The following ADGRB1 variants were observed in gnomAD, a reference collection of about 807,000 sequenced individuals.
The protein encoded by ADGRB1 is brain-specific angiogenesis inhibitor 1.
In ADGRB1, 36 loss-of-function variants were observed where a neutral mutation model predicts 175.7. The ratio of observed to expected loss-of-function variants is 0.20; its 90% CI spans 0.16 to 0.27. ADGRB1 has a LOEUF of 0.27. Ranked by LOEUF, ADGRB1 falls within the 10% of genes least tolerant of loss-of-function variation. The probability of loss-of-function intolerance (pLI) is 1.00; values close to 1 mark genes in which losing one functional copy is unlikely to be tolerated. For missense variants in ADGRB1, 1,731 were observed against 2,255.3 expected, an observed-to-expected ratio of 0.77 and a Z score of 4.71; for synonymous variants, 1,054 against 979.4, an observed-to-expected ratio of 1.08 and a Z score of -1.42.
intron 2 of ADGRB1, among the ~76,000 whole-genome samples, chr8:142,472,629 A>G (rs895604128): frequency 2.0e-5 from 3 of 152,214 alleles, no homozygotes; most frequent in Non-Finnish European, 4.4e-5. Flanking sequence ...ACACACATCA[A>G]AAACAAAACA....
intron 1 of ADGRB1, among the ~76,000 whole-genome samples, chr8:142,453,993 G>A (rs1463029386): frequency 6.6e-6 from 1 of 152,192 alleles, no homozygotes; most frequent in African/African-American, 2.4e-5. Flanking sequence ...GACAGGGGCT[G>A]CAGAGGGGTC....
chr8:142,505,359 G>A lies in ADGRB1; in HGVS notation c.2676-5573G>A, dbSNP rs562365499. Among the ~76,000 whole-genome samples, 737 of 152,344 alleles carry A rather than the reference G, an allele frequency of 4.8e-3. 5 individuals carry two copies. Among genetic ancestry groups the A allele is most frequent in the African/African-American group, 0.017 (697 of 41,584 alleles). On this transcript the variant is annotated intron_variant, in intron 17 of 30. Transcript: ENST00000517894. ...TCTCCCAAGGCCTCCTACCTGCCCCGGACTCAGTGGAGGTGCCTGTGGGGG... is the reference window on the plus strand; with the variant it reads ...TCTCCCAAGGCCTCCTACCTGCCCCAGACTCAGTGGAGGTGCCTGTGGGGG...
chr8:142,509,632 G>A (rs1017545999), intron 17 of ADGRB1, among the ~76,000 whole-genome samples: 1 of 152,216 alleles, frequency 6.6e-6, no homozygotes, highest in Non-Finnish European at 1.5e-5. Context: ...GTGGGGAATG[G>A]GGTAAAACTG....
At chr8:142,539,665 C>T (rs1587446901) in intron 27 of ADGRB1, 1 of 576,822 alleles carries the variant, frequency 1.7e-6, no homozygotes, top group Non-Finnish European at 3.1e-6. Context: ...CAGAACACTG[C>T]CCTGGCACTC....
intron 24 of ADGRB1, among the ~76,000 whole-genome samples, chr8:142,532,638 T>A (rs987572770): frequency 6.6e-6 from 1 of 152,078 alleles, no homozygotes; most frequent in Non-Finnish European, 1.5e-5. Context: ...GCCTTGGCCG[T>A]CTGTCTGTCC....
At chr8:142,453,231 G>C (rs569830706) in intron 1 of ADGRB1, among the ~76,000 whole-genome samples, 5 of 152,168 alleles carry the variant, frequency 3.3e-5, no homozygotes, top group Admixed American at 6.5e-5. Flanking sequence ...GAGGCTGGGG[G>C]CACGTGTGTG....
At chr8:142,454,729 C>T (rs976146466) in intron 1 of ADGRB1, among the ~76,000 whole-genome samples, 11 of 152,154 alleles carry the variant, frequency 7.2e-5, no homozygotes, top group African/African-American at 2.4e-4. Context: ...CCCCGCAAAG[C>T]ACATGCCACT....
rs1843077688 is a variant in ADGRB1, at chr8:142,511,121, G to A, written c.2817+48G>A. 1.1e-5 allele frequency: 12 copies of A among 1,057,514 alleles called. No individual in the cohort carries two copies. Among genetic ancestry groups the A allele is most frequent in the Non-Finnish European group, 1.4e-5 (12 of 877,136 alleles). 65.5% of individuals were successfully genotyped at this position (1,057,514 alleles called of 1,614,324 possible). On this transcript the variant is annotated intron_variant, in intron 18 of 30. Coordinates refer to ENST00000517894, the MANE Select transcript of ADGRB1 (RefSeq NM_001702.3). The surrounding 1 kb of genome is among the most constrained non-coding windows in gnomAD (Gnocchi z 4.5). ...GGGAGGGGCGCCGGGCAGGGGCGCG[G>A]GCGGGGGCTGCCGGCGGGCCTGCGG...
chr8:142,518,911 G>A (rs890857208), intron 19 of ADGRB1, among the ~76,000 whole-genome samples: 9 of 152,232 alleles, frequency 5.9e-5, no homozygotes, highest in African/African-American at 1.9e-4. Flanking sequence ...ACGTGGCTCC[G>A]GCTCTGCAGG....
chr8:142,464,725 T>C lies in ADGRB1; in HGVS notation c.527T>C (p.Val176Ala). The change falls in exon 2 of 31, where the codon GTG (valine) becomes GCG (alanine). Residue 176 changes from valine to alanine, a missense_variant. Around this residue, in one of 8 missense-constraint regions of ADGRB1, gnomAD observed 383 missense variants for 383.1 expected, o/e 1.00. Transcript: ENST00000517894. ...TDDFSVEYLV[V>A]GNRNPSRAAC... is the part of the protein sequence containing the mutation. ...GACTTCTCCGTGGAGTACCTGGTGG[T>C]GGGGAACCGCAACCCCAGCCGTGCC... 4 of 1,533,472 alleles carry C rather than the reference T, an allele frequency of 2.6e-6. No homozygotes were observed. Among genetic ancestry groups the C allele is most frequent in the Non-Finnish European group, 3.5e-6 (4 of 1,145,406 alleles). The allele number at this position is 1,533,472 out of a possible 1,614,324, so 95.0% of individuals were successfully genotyped here.
intron 1 of ADGRB1, among the ~76,000 whole-genome samples, chr8:142,461,010 G>A (rs759939210): frequency 6.6e-6 from 1 of 152,226 alleles, no homozygotes; most frequent in Non-Finnish European, 1.5e-5. Flanking sequence ...AAGGCGTGGA[G>A]TCAGCTGGTG....
intron 9 of ADGRB1, 62 bp downstream of exon 9, chr8:142,479,856 C>G: frequency 6.7e-7 from 1 of 1,495,174 alleles, no homozygotes; most frequent in Non-Finnish European, 9.1e-7. Flanking sequence ...GTGATGCCCA[C>G]GCTGAGGTGC....
At chr8:142,498,564 C>T (rs549641224) in intron 17 of ADGRB1, among the ~76,000 whole-genome samples, 5 of 151,858 alleles carry the variant, frequency 3.3e-5, no homozygotes, top group Non-Finnish European at 7.4e-5. Context: ...ACTGGCTGTG[C>T]GCGCCCAGGC....
chr8:142,470,832 C>T (rs888799764), intron 2 of ADGRB1, among the ~76,000 whole-genome samples: 2 of 152,176 alleles, frequency 1.3e-5, no homozygotes, highest in African/African-American at 4.8e-5. Context: ...CAGCCCAGGC[C>T]CACCTGCCCA....
At chr8:142,523,048 G>T (rs747512998) in intron 22 of ADGRB1, among the ~76,000 whole-genome samples, 6 of 152,252 alleles carry the variant, frequency 3.9e-5, no homozygotes, top group Non-Finnish European at 7.3e-5. Context: ...TACGGTGCTG[G>T]TGAGAGGGAG....
chr8:142,452,780 AC>A (rs1282195425), intron 1 of ADGRB1, among the ~76,000 whole-genome samples: 1 of 149,928 alleles, frequency 6.7e-6, no homozygotes, highest in African/African-American at 2.4e-5. Flanking sequence ...GGTCGGCCCG[AC>A]CCCGCCTCCG....
Position 142,463,558 on chromosome 8 carries a change from CAG to C in ADGRB1, c.-219-419_-219-418del, listed in dbSNP as rs554446745. Among the ~76,000 whole-genome samples, 496 of 152,318 alleles carry C rather than the reference CAG, an allele frequency of 3.3e-3. 1 individual carries two copies. The highest frequency in any genetic ancestry group is 0.011 in the African/African-American group (469 of 41,572). ...GAGGGACCAAGGTCAGCAGGAAAGA[CAG>C]AGCCTGAGAGAGCTACACCCTCCAC... On this transcript the variant is annotated intron_variant, in intron 1 of 30. Coordinates refer to ENST00000517894, the MANE Select transcript of ADGRB1 (RefSeq NM_001702.3).
At chr8:142,497,579 T>C (rs1045637356) in intron 17 of ADGRB1, among the ~76,000 whole-genome samples, 2 of 152,064 alleles carry the variant, frequency 1.3e-5, no homozygotes, top group African/African-American at 4.8e-5. Flanking sequence ...TGCACCATGA[T>C]TGAGGAGGGA....
chr8:142,497,536 C>A (rs557231458), intron 17 of ADGRB1, among the ~76,000 whole-genome samples: 10 of 152,264 alleles, frequency 6.6e-5, no homozygotes, highest in African/African-American at 2.4e-4. Context: ...AACACAGAGG[C>A]CTCTTTGGTG....
Sources: allele counts gnomAD v4.1 joint callset (sites outside exome capture counted in the v4.1 genomes callset), GRCh38; gene constraint gnomAD v4.1.1; regional missense constraint gnomAD v4.1.1; non-coding constraint Gnocchi (gnomAD v3.1); transcripts MANE v1.5; gene names NCBI Gene and HGNC (gene_info 2026-07-23, HGNC 2026-07-21).